Variants in ZMAT4 observed in about 807,000 individuals in gnomAD.
The protein encoded by ZMAT4 is zinc finger matrin-type 4.
In ZMAT4, 17 loss-of-function variants were observed where a neutral mutation model predicts 28.7. The ratio of observed to expected loss-of-function variants is 0.59; its 90% CI spans 0.41 to 0.89. The LOEUF is 0.89. Ranked by LOEUF, ZMAT4 falls within the 40% of genes least tolerant of loss-of-function variation. ZMAT4 has a pLI of 0.00. For missense variants in ZMAT4, 240 were observed against 283.8 expected (o/e 0.85, Z 1.11); for synonymous variants, 117 against 109.2 (o/e 1.07, Z -0.44).
At chr8:40,794,956 C>A (rs1019057567) in intron 2 of ZMAT4, among the ~76,000 whole-genome samples, 1 of 151,982 alleles carries the variant, frequency 6.6e-6, no homozygotes, top group African/African-American at 2.4e-5. Flanking sequence ...ACTAGATGGC[C>A]CTGGAAGCTC....
chr8:40,788,964 A>AGAGGAAGGGAGGGAGGGAGG (rs576019615), intron 2 of ZMAT4, among the ~76,000 whole-genome samples: 1 of 138,966 alleles, frequency 7.2e-6, no homozygotes, highest in Admixed American at 7.3e-5. Context: ...AGAAAGAGAG[A>AGAGGAAGGGAGGGAGGGAGG]GAGGAAGGGA....
At chr8:40,766,740 C>T (rs1212551735) in intron 3 of ZMAT4, among the ~76,000 whole-genome samples, 2 of 152,166 alleles carry the variant, frequency 1.3e-5, no homozygotes, top group Non-Finnish European at 1.5e-5. Flanking sequence ...TTCTCTTGCT[C>T]CCTCTTTTTA....
chr8:40,815,854 T>G (rs1424934680), intron 2 of ZMAT4, among the ~76,000 whole-genome samples: 1 of 152,176 alleles, frequency 6.6e-6, no homozygotes, highest in Non-Finnish European at 1.5e-5. Flanking sequence ...TTGCTTCCAT[T>G]ACCTCCCCGG....
chr8:40,763,867 G>C (rs1011727941), intron 3 of ZMAT4, among the ~76,000 whole-genome samples: 5 of 152,060 alleles, frequency 3.3e-5, no homozygotes, highest in African/African-American at 1.2e-4. Context: ...CAAATGCCAA[G>C]CTTCTCTATG....
intron 2 of ZMAT4, among the ~76,000 whole-genome samples, chr8:40,773,088 AAC>A (rs1239668409): frequency 6.6e-6 from 1 of 152,178 alleles, no homozygotes; most frequent in African/African-American, 2.4e-5. Flanking sequence ...ACAAATAGAA[AAC>A]CACAAGTGCT....
chr8:40,894,125 G>T (rs147699503), intron 1 of ZMAT4, among the ~76,000 whole-genome samples: 1 of 152,370 alleles, frequency 6.6e-6, no homozygotes, highest in Non-Finnish European at 1.5e-5. Flanking sequence ...TGGGGCTGCA[G>T]CAGGCGCAGG....
At chr8:40,753,065 C>G (rs1191952051) in intron 3 of ZMAT4, among the ~76,000 whole-genome samples, 1 of 7,384 alleles carries the variant, frequency 1.4e-4, no homozygotes. Flanking sequence ...CCCCAACAGG[C>G]CCCGGTGTGT....
intron 5 of ZMAT4, among the ~76,000 whole-genome samples, chr8:40,584,102 C>T (rs78863450): frequency 4.6e-5 from 7 of 152,260 alleles, no homozygotes; most frequent in Middle Eastern, 3.4e-3. Context: ...TGACATTTCG[C>T]TTGGCTTAGT....
At chr8:40,533,103 C>G (rs1451073041) in intron 6 of ZMAT4, among the ~76,000 whole-genome samples, 2 of 152,062 alleles carry the variant, frequency 1.3e-5, no homozygotes, top group Non-Finnish European at 2.9e-5. Context: ...AAGATACTAC[C>G]TCTTACAACA....
chr8:40,532,874 G>A (rs1165329081), intron 6 of ZMAT4, among the ~76,000 whole-genome samples: 5 of 151,690 alleles, frequency 3.3e-5, no homozygotes, highest in Admixed American at 6.6e-5. Flanking sequence ...CATGCCTGTA[G>A]TCCCAGCTAC....
chr8:40,846,448 G>T (rs991489919), intron 1 of ZMAT4, among the ~76,000 whole-genome samples: 10 of 152,246 alleles, frequency 6.6e-5, no homozygotes, highest in African/African-American at 1.9e-4. Context: ...GGCTGAAGCT[G>T]CCGCGGAGCT....
chr8:40,620,282 T>G (rs1221155978), intron 5 of ZMAT4, among the ~76,000 whole-genome samples: 4 of 152,204 alleles, frequency 2.6e-5, no homozygotes, highest in African/African-American at 7.2e-5. Context: ...TATGGGCATT[T>G]AGAACAACAG....
chr8:40,598,153 C>A (rs1333079592), intron 5 of ZMAT4, among the ~76,000 whole-genome samples: 1 of 152,136 alleles, frequency 6.6e-6, no homozygotes, highest in East Asian at 1.9e-4. Flanking sequence ...GATATGCTTT[C>A]TTTGAACATG....
In ZMAT4 at chr8:40,577,862, A is replaced by C. The variant is rs147063061; in HGVS notation, c.674+3303T>G. 3.9e-3 allele frequency among the ~76,000 whole-genome samples: 593 copies of C among 152,060 alleles called. 4 individuals carry two copies. The highest frequency in any genetic ancestry group is 0.014 in the African/African-American group (572 of 41,546). ...TTTATTCTAGTATCCCAAAACAATAAATTCTTAGGAATAAATCTAAATAAA... is the reference window on the plus strand; with the variant it reads ...TTTATTCTAGTATCCCAAAACAATACATTCTTAGGAATAAATCTAAATAAA... On this transcript the variant is annotated intron_variant, in intron 6 of 6. Transcript: ENST00000297737.
chr8:40,613,494 A>G lies in ZMAT4; in HGVS notation c.578-32233T>C, dbSNP rs191323488. Among the ~76,000 whole-genome samples, 444 of 152,064 alleles carry G rather than the reference A, an allele frequency of 2.9e-3. 4 individuals carry two copies. Among genetic ancestry groups the G allele is most frequent in the African/African-American group, 0.01 (419 of 41,450 alleles). ...CCACCTTGCCCAGCCTCACCTGCCC[A>G]TTCAAATTGGTGAAATACACTTTGC... On this transcript the variant is annotated intron_variant, in intron 5 of 6. Transcript: ENST00000297737.
intron 1 of ZMAT4, among the ~76,000 whole-genome samples, chr8:40,885,599 A>G (rs1818424309): frequency 6.6e-6 from 1 of 152,222 alleles, no homozygotes; most frequent in African/African-American, 2.4e-5. Flanking sequence ...GTCATAGCTC[A>G]CTGCAGCCTC....
intron 5 of ZMAT4, among the ~76,000 whole-genome samples, chr8:40,584,346 C>T (rs375201535): frequency 6.6e-6 from 1 of 152,130 alleles, no homozygotes; most frequent in African/African-American, 2.4e-5. Flanking sequence ...AAGAGAGAAG[C>T]CTCCCACACC....
At chr8:40,736,611 T>C (rs62497418) in intron 3 of ZMAT4, among the ~76,000 whole-genome samples, 19,720 of 152,144 alleles carry the variant, frequency 0.13, 1,821 homozygotes, top group East Asian at 0.39. Context: ...ACCAAAATTC[T>C]TGGAAGCATT....
chr8:40,563,878 A>G (rs1430170468), intron 6 of ZMAT4, among the ~76,000 whole-genome samples: 1 of 152,038 alleles, frequency 6.6e-6, no homozygotes, highest in Non-Finnish European at 1.5e-5. Context: ...GTGAGGGAGC[A>G]GGAGGGCCTC....
Sources: gnomAD v4.1 joint callset for allele counts (sites outside exome capture counted in the v4.1 genomes callset) on GRCh38, gnomAD v4.1.1 for gene constraint, MANE v1.5 for transcripts, NCBI Gene and HGNC (gene_info 2026-07-23, HGNC 2026-07-21) for gene names.